The following IL34 variants were observed in gnomAD, a reference collection of about 807,000 sequenced individuals.
IL34 encodes interleukin-34.
IL34 carries 17 observed loss-of-function variants against 25.3 expected under a neutral mutation model. The ratio of observed to expected loss-of-function variants is 0.67; its 90% CI spans 0.46 to 1.01. IL34 has a LOEUF of 1.01. Ranked by LOEUF, IL34 falls within the 50% of genes least tolerant of loss-of-function variation. IL34 has a pLI of 0.00. For synonymous variants in IL34, 174 were observed against 140.9 expected (o/e 1.23, Z -1.66); for missense variants, 368 against 312.9 (o/e 1.18, Z -1.33).
chr16:70,650,029 C>T (rs2052039717), intron 1 of IL34, among the ~76,000 whole-genome samples: 1 of 152,284 alleles, frequency 6.6e-6, no homozygotes, highest in South Asian at 2.1e-4. Context: ...GAACTCCTGA[C>T]CTCAGGTGAT....
chr16:70,593,641 C>T lies in IL34; in HGVS notation c.-401+13592C>T, dbSNP rs140383149. On this transcript the variant is annotated intron_variant, in intron 1 of 6. Transcript: ENST00000429149. ...AAGTGATCCTCCCACCTCAGCCTCC[C>T]GAGTAGCTGGGACTACAGGTGCATG... Among the ~76,000 whole-genome samples, 13 of 152,190 alleles carry T rather than the reference C, an allele frequency of 8.5e-5. 1 individual carries two copies. The highest frequency in any genetic ancestry group is 2.4e-4 in the African/African-American group (10 of 41,530).
intron 1 of IL34, among the ~76,000 whole-genome samples, chr16:70,652,513 C>T (rs997148818): frequency 6.6e-6 from 1 of 152,170 alleles, no homozygotes. Flanking sequence ...ATGCTATGAA[C>T]ACAGATAGTG....
At chr16:70,580,637 C>T (rs1190015140) in intron 1 of IL34, among the ~76,000 whole-genome samples, 8 of 151,784 alleles carry the variant, frequency 5.3e-5, no homozygotes, top group Admixed American at 1.3e-4. Flanking sequence ...AAAAGTTAGC[C>T]GGGTGTGGTG....
In IL34 at chr16:70,646,564, G is replaced by C. The variant is rs2051935108; in HGVS notation, c.-384G>C. 3.8e-6 allele frequency: 1 copy of C among 266,102 alleles called. No individual in the cohort carries two copies. The highest frequency in any genetic ancestry group is 7.0e-6 in the Non-Finnish European group (1 of 142,442). The allele number at this position is 266,102 out of a possible 1,614,324, so 16.5% of individuals were successfully genotyped here. ...TCTTCCTAGAGCCAGATTTCACACT[G>C]AGCAGCTGCAGTCGGAGAAATCAGA... On this transcript the variant is annotated 5_prime_UTR_variant, in exon 1 of 6. Coordinates refer to ENST00000288098, the MANE Select transcript of IL34 (RefSeq NM_001393494.1).
chr16:70,629,868 A>T (rs988090463), intron 1 of IL34, among the ~76,000 whole-genome samples: 1 of 149,486 alleles, frequency 6.7e-6, no homozygotes, highest in Non-Finnish European at 1.5e-5. Context: ...TGATTCAGTT[A>T]TACTGTTTCA....
chr16:70,609,277 C>A (rs1163151908), intron 1 of IL34, among the ~76,000 whole-genome samples: 1 of 151,902 alleles, frequency 6.6e-6, no homozygotes, highest in Non-Finnish European at 1.5e-5. Flanking sequence ...CGGGGTTTCG[C>A]CATGTTGGCC....
chr16:70,609,141 G>A (rs775354312), intron 1 of IL34, among the ~76,000 whole-genome samples: 13 of 151,944 alleles, frequency 8.6e-5, no homozygotes, highest in Non-Finnish European at 1.5e-4. Context: ...GCAGTGGTGC[G>A]ATCTCAGCTC....
intron 1 of IL34, among the ~76,000 whole-genome samples, chr16:70,582,276 A>T (rs1332422107): frequency 6.6e-6 from 1 of 152,212 alleles, no homozygotes. Flanking sequence ...CTGTTGTCAC[A>T]TCTGGATGCC....
At chr16:70,654,400 C>G (rs55704776) in intron 1 of IL34, 138 bp from the exon 2 acceptor site, 10 of 1,159,470 alleles carry the variant, frequency 8.6e-6, no homozygotes, top group Non-Finnish European at 1.2e-5. Flanking sequence ...TTCCAGATCC[C>G]GTGCCCCCCA....
intron 1 of IL34, among the ~76,000 whole-genome samples, chr16:70,632,802 A>G (rs1375363700): frequency 6.6e-6 from 1 of 152,104 alleles, no homozygotes; most frequent in Non-Finnish European, 1.5e-5. Context: ...GTGAATTCAG[A>G]GTAGCATTGG....
chr16:70,599,831 C>T (rs558159673), intron 1 of IL34, among the ~76,000 whole-genome samples: 1 of 152,140 alleles, frequency 6.6e-6, no homozygotes, highest in South Asian at 2.1e-4. Context: ...CACACTACTA[C>T]ACCTGGCCAG....
intron 1 of IL34, among the ~76,000 whole-genome samples, chr16:70,609,075 T>C (rs1247329410): frequency 6.6e-6 from 1 of 152,062 alleles, no homozygotes; most frequent in Non-Finnish European, 1.5e-5. Context: ...AAATTATGTT[T>C]ATTTATTATT....
At chr16:70,590,696 G>A (rs752340158) in intron 1 of IL34, among the ~76,000 whole-genome samples, 8 of 152,144 alleles carry the variant, frequency 5.3e-5, no homozygotes, top group Non-Finnish European at 1.2e-4. Flanking sequence ...CAACACCTGG[G>A]AACCAAGGCT....
At chr16:70,627,359 G>T (rs865862627) in intron 1 of IL34, among the ~76,000 whole-genome samples, 1 of 151,952 alleles carries the variant, frequency 6.6e-6, no homozygotes, top group Non-Finnish European at 1.5e-5. Context: ...TATTACCAGC[G>T]TGTAGAAGCC....
In IL34 at chr16:70,660,384, C is replaced by T; in HGVS notation, c.*197C>T. The T allele has an allele frequency of 1.9e-6, 1 of 534,700 alleles. No homozygotes were observed. Among genetic ancestry groups the T allele is most frequent in the East Asian group, 3.2e-5 (1 of 31,608 alleles). The allele number at this position is 534,700 out of a possible 1,614,324, so 33.1% of individuals were successfully genotyped here. Reference sequence around the variant, plus strand: ...GCCTTCCATAGCTGTCATGGCCTCACCTGGAGCGGAGGGGACCTGGGGACC... The same window carrying T: ...GCCTTCCATAGCTGTCATGGCCTCATCTGGAGCGGAGGGGACCTGGGGACC... On this transcript the variant is annotated 3_prime_UTR_variant, in exon 6 of 6. Transcript: ENST00000288098.
At chr16:70,648,552 T>TAAA (rs56164163) in intron 1 of IL34, among the ~76,000 whole-genome samples, 11,211 of 72,990 alleles carry the variant, frequency 0.15, 1,708 homozygotes, top group African/African-American at 0.4. Context: ...ACCCTGTCTT[T>TAAA]AAAAAAAAAA....
intron 1 of IL34, among the ~76,000 whole-genome samples, chr16:70,629,881 A>T (rs1215902307): frequency 1.4e-5 from 2 of 147,066 alleles, no homozygotes; most frequent in Non-Finnish European, 2.9e-5. Context: ...CTGTTTCAGT[A>T]ATTAAAAAAT....
intron 1 of IL34, among the ~76,000 whole-genome samples, chr16:70,598,535 T>G (rs2050858896): frequency 6.6e-6 from 1 of 152,000 alleles, no homozygotes; most frequent in Non-Finnish European, 1.5e-5. Context: ...GGTCAAGAGT[T>G]TGAGACCAGC....
chr16:70,636,127 C>G (rs950910510), intron 1 of IL34, among the ~76,000 whole-genome samples: 1 of 151,858 alleles, frequency 6.6e-6, no homozygotes, highest in Non-Finnish European at 1.5e-5. Context: ...TAGCCTTCAC[C>G]TCCCAGGTTC....
Sources: gnomAD v4.1 joint callset for allele counts (sites outside exome capture counted in the v4.1 genomes callset) on GRCh38, gnomAD v4.1.1 for gene constraint, MANE v1.5 for transcripts, NCBI Gene and HGNC (gene_info 2026-07-23, HGNC 2026-07-21) for gene names.